HEMK2: variants seen among roughly 807,000 people sequenced by gnomAD.
HEMK2 encodes methyltransferase HEMK2.
the HEMK2 span, among the ~76,000 whole-genome samples, chr21:28,600,175 C>G: frequency 1.5e-3 from 228 of 152,366 alleles, 1 homozygote; most frequent in Admixed American, 2.5e-3. Context: ...GGGCTTTAAC[C>G]ACACATTTCC....
chr21:28,790,710 T>C, the HEMK2 span, among the ~76,000 whole-genome samples: 8 of 151,902 alleles, frequency 5.3e-5, no homozygotes, highest in African/African-American at 1.9e-4. Context: ...TCTGGATTCA[T>C]TGAGAACATT....
chr21:28,774,142 GA>G, the HEMK2 span, among the ~76,000 whole-genome samples: 1 of 152,136 alleles, frequency 6.6e-6, no homozygotes, highest in African/African-American at 2.4e-5. Context: ...AAATAAAAGA[GA>G]TTGACAAGGT....
chr21:28,713,451 A>G, the HEMK2 span, among the ~76,000 whole-genome samples: 84,087 of 151,504 alleles, frequency 0.56, 25,929 homozygotes, highest in East Asian at 0.84. Flanking sequence ...GGCCTCCCTC[A>G]CTCATTCTTG....
At chr21:28,815,388 A>G in the HEMK2 span, among the ~76,000 whole-genome samples, 5 of 152,144 alleles carry the variant, frequency 3.3e-5, no homozygotes, top group Non-Finnish European at 5.9e-5. Flanking sequence ...AATTAAAAAA[A>G]AAAGAAAAAA....
the HEMK2 span, among the ~76,000 whole-genome samples, chr21:28,678,615 A>G: frequency 5.3e-5 from 8 of 152,242 alleles, no homozygotes; most frequent in Non-Finnish European, 1.2e-4. Flanking sequence ...AGTTGAAATG[A>G]AGGAACAAAT....
chr21:28,681,599 C>A, the HEMK2 span, among the ~76,000 whole-genome samples: 1 of 152,174 alleles, frequency 6.6e-6, no homozygotes, highest in African/African-American at 2.4e-5. Context: ...CTAAGTCAAT[C>A]CTAAGCCAAA....
At chr21:28,723,994 A>C in the HEMK2 span, among the ~76,000 whole-genome samples, 1 of 152,162 alleles carries the variant, frequency 6.6e-6, no homozygotes, top group African/African-American at 2.4e-5. Context: ...GGCCTCAGCA[A>C]TGATTCTAAG....
chr21:28,579,538 GAAAAT>G, the HEMK2 span, among the ~76,000 whole-genome samples: 2 of 151,948 alleles, frequency 1.3e-5, no homozygotes, highest in African/African-American at 4.8e-5. Context: ...CTTAGAAAAA[GAAAAT>G]AAAAGTATAC....
At chr21:28,839,851 G>A in the HEMK2 span, among the ~76,000 whole-genome samples, 659 of 152,152 alleles carry the variant, frequency 4.3e-3, 6 homozygotes, top group African/African-American at 0.015. Context: ...ATTCTTCACA[G>A]AATTAGAAAA....
At chr21:28,838,688 C>T in the HEMK2 span, among the ~76,000 whole-genome samples, 1 of 151,512 alleles carries the variant, frequency 6.6e-6, no homozygotes, top group Non-Finnish European at 1.5e-5. Context: ...ACCTGAAATC[C>T]CAGCACTTTG....
At chr21:28,806,023 A>T in the HEMK2 span, among the ~76,000 whole-genome samples, 3 of 152,178 alleles carry the variant, frequency 2.0e-5, no homozygotes, top group Non-Finnish European at 2.9e-5. Context: ...ACTCATCAGT[A>T]TGTCCCATGG....
chr21:28,781,316 A>C, the HEMK2 span, among the ~76,000 whole-genome samples: 1 of 152,222 alleles, frequency 6.6e-6, no homozygotes, highest in Admixed American at 6.5e-5. Flanking sequence ...AGAGGCTTTC[A>C]ACCTGTTCAT....
chr21:28,703,741 A>T, the HEMK2 span, among the ~76,000 whole-genome samples: 2 of 152,136 alleles, frequency 1.3e-5, no homozygotes, highest in African/African-American at 4.8e-5. Context: ...TTTTATCAGC[A>T]TCCTCTGGAA....
the HEMK2 span, among the ~76,000 whole-genome samples, chr21:28,757,286 C>G: frequency 6.6e-6 from 1 of 152,104 alleles, no homozygotes; most frequent in Non-Finnish European, 1.5e-5. Context: ...CCAATTGGCA[C>G]ATTTTTATGT....
At chr21:28,717,683 T>A in the HEMK2 span, among the ~76,000 whole-genome samples, 2 of 152,098 alleles carry the variant, frequency 1.3e-5, no homozygotes, top group Non-Finnish European at 2.9e-5. Context: ...TTTCACCTTG[T>A]TGGCCAGGCT....
At chr21:28,620,980 T>C in the HEMK2 span, among the ~76,000 whole-genome samples, 1 of 152,062 alleles carries the variant, frequency 6.6e-6, no homozygotes, top group Non-Finnish European at 1.5e-5. Context: ...CCTCTTTTCT[T>C]CTTTAGTAGT....
the HEMK2 span, among the ~76,000 whole-genome samples, chr21:28,733,223 G>A: frequency 6.6e-6 from 1 of 152,176 alleles, no homozygotes; most frequent in Admixed American, 6.5e-5. Flanking sequence ...AGCTTGCAGT[G>A]AGCCGAGATC....
At chr21:28,853,235 A>G in the HEMK2 span, among the ~76,000 whole-genome samples, 1 of 152,218 alleles carries the variant, frequency 6.6e-6, no homozygotes, top group Non-Finnish European at 1.5e-5. Flanking sequence ...CATTAAACCA[A>G]GGAAGATCAG....
At chr21:28,675,929 T>C in the HEMK2 span, among the ~76,000 whole-genome samples, 1 of 152,214 alleles carries the variant, frequency 6.6e-6, no homozygotes. Context: ...AAGTTCTTTC[T>C]TCTCTTGGGC....
Sources: gnomAD v4.1 joint callset for allele counts (sites outside exome capture counted in the v4.1 genomes callset) on GRCh38, gnomAD v4.1.1 for gene constraint, MANE v1.5 for transcripts, NCBI Gene and HGNC (gene_info 2026-07-23, HGNC 2026-07-21) for gene names.